Variants in BMP5 observed in about 807,000 individuals in gnomAD.
BMP5 encodes bone morphogenetic protein 5.
In BMP5, 23 loss-of-function variants were observed where a neutral mutation model predicts 46.6. The ratio of observed to expected loss-of-function variants is 0.49; its 90% CI spans 0.35 to 0.70. The LOEUF is 0.70. Ranked by LOEUF, BMP5 falls within the 30% of genes least tolerant of loss-of-function variation. BMP5 has a pLI of 0.00. For synonymous variants in BMP5, 204 were observed against 191.9 expected (o/e 1.06, Z -0.52); for missense variants, 545 against 565.6 (o/e 0.96, Z 0.37).
At position 55,794,418 on chromosome 6, in the gene BMP5, A is replaced by G; in HGVS notation, c.693T>C (p.Asp231=). Residue 231 remains aspartate, a synonymous_variant, in exon 3 of 7, where the codon GAT becomes GAC. Transcript: ENST00000370830. ...CCTTTCTTGTGTCTAACAAGAACAG[A>G]TCTGCATCCCTAAAAAGAAAAGGAA... ...IIKEYTNRDA[D]LFLLDTRKAQ... is the part of the protein sequence containing the mutation. 4.3e-6 allele frequency: 7 copies of G among 1,613,986 alleles called. No homozygotes were observed. The highest frequency in any genetic ancestry group is 5.1e-6 in the Non-Finnish European group (6 of 1,179,900).
intron 2 of BMP5, among the ~76,000 whole-genome samples, chr6:55,813,838 A>C (rs1254954687): frequency 1.3e-5 from 2 of 152,136 alleles, no homozygotes; most frequent in Non-Finnish European, 2.9e-5. Flanking sequence ...TTTTCCAAAA[A>C]TTATACCTTA....
chr6:55,822,328 G>A lies in BMP5; in HGVS notation c.491-2481C>T, dbSNP rs1776428310. On this transcript the variant is annotated intron_variant, in intron 1 of 6. Transcript: ENST00000370830. ...AGCTCTTTTGACAGAAGAACCAGAA[G>A]TTAACTGACATGAAGTGATTTAAAG... 2.0e-5 allele frequency among the ~76,000 whole-genome samples: 3 copies of A among 152,090 alleles called. No homozygotes were observed. In the South Asian group the frequency reaches 6.2e-4, roughly 31 times the overall value.
intron 1 of BMP5, among the ~76,000 whole-genome samples, chr6:55,825,429 A>G (rs1025153110): frequency 6.6e-6 from 1 of 151,864 alleles, no homozygotes; most frequent in African/African-American, 2.4e-5. Flanking sequence ...TTCACATCCC[A>G]TGATTAATGG....
At chr6:55,845,150 TG>T (rs1205864835) in intron 1 of BMP5, among the ~76,000 whole-genome samples, 3 of 152,168 alleles carry the variant, frequency 2.0e-5, no homozygotes, top group South Asian at 2.1e-4. Flanking sequence ...ATGGCACATG[TG>T]CATAATAAGA....
chr6:55,792,432 G>A (rs1450742688), intron 3 of BMP5, among the ~76,000 whole-genome samples: 2 of 151,856 alleles, frequency 1.3e-5, no homozygotes, highest in African/African-American at 2.4e-5. Context: ...TACTCGGGAG[G>A]CTGAGGCGAG....
At chr6:55,772,794 A>G (rs1230469785) in intron 4 of BMP5, 1 of 984,984 alleles carries the variant, frequency 1.0e-6, no homozygotes, top group South Asian at 4.7e-5. Flanking sequence ...CCATACAGAA[A>G]TCTTCCCTCC....
intron 1 of BMP5, among the ~76,000 whole-genome samples, chr6:55,871,704 G>T (rs146027834): frequency 6.6e-6 from 1 of 151,674 alleles, no homozygotes; most frequent in Non-Finnish European, 1.5e-5. Flanking sequence ...GAATGGCAAG[G>T]TACCTGTGGA....
chr6:55,810,901 T>C (rs562212028), intron 2 of BMP5, among the ~76,000 whole-genome samples: 1 of 152,122 alleles, frequency 6.6e-6, no homozygotes, highest in Non-Finnish European at 1.5e-5. Flanking sequence ...TACACACACA[T>C]ACCTGCCCCC....
intron 3 of BMP5, among the ~76,000 whole-genome samples, chr6:55,775,404 T>A (rs1219425687): frequency 1.3e-5 from 2 of 151,852 alleles, no homozygotes; most frequent in Non-Finnish European, 2.9e-5. Flanking sequence ...AAATTATATT[T>A]TATATATATG....
chr6:55,865,569 GAAGA>G (rs1777620104), intron 1 of BMP5, among the ~76,000 whole-genome samples: 1 of 152,154 alleles, frequency 6.6e-6, no homozygotes. Context: ...TGTCCAGCTT[GAAGA>G]AAGAGTCAAT....
intron 1 of BMP5, among the ~76,000 whole-genome samples, chr6:55,820,497 C>T (rs908335438): frequency 6.6e-5 from 10 of 151,918 alleles, no homozygotes; most frequent in African/African-American, 2.2e-4. Flanking sequence ...CGCTCACTGA[C>T]GCCTGGACCT....
chr6:55,875,161 AT>A lies in BMP5; in HGVS notation c.-297del. 1 of 316,898 alleles carries A rather than the reference AT, an allele frequency of 3.2e-6. No homozygotes were observed. The highest frequency in any genetic ancestry group is 6.0e-6 in the Non-Finnish European group (1 of 167,566). The allele number at this position is 316,898 out of a possible 1,614,324, so 19.6% of individuals were successfully genotyped here. On this transcript the variant is annotated 5_prime_UTR_variant, in exon 1 of 7. An upstream open reading frame in the 5' UTR gains an earlier in-frame stop. Coordinates refer to ENST00000370830, the MANE Select transcript of BMP5 (RefSeq NM_021073.4). ...GATGTAGCAGAAGACGGCTAATATT[AT>A]TTGATCAGATGACCTATGCATTCCT... is the stretch of plus-strand genomic sequence containing the variant.
intron 4 of BMP5, among the ~76,000 whole-genome samples, chr6:55,762,667 T>C (rs868855793): frequency 2.6e-5 from 4 of 152,178 alleles, no homozygotes; most frequent in Non-Finnish European, 5.9e-5. Context: ...TCCTCGATCG[T>C]GTTTAGAAAA....
intron 2 of BMP5, among the ~76,000 whole-genome samples, chr6:55,817,008 A>C (rs1253755364): frequency 6.6e-6 from 1 of 152,244 alleles, no homozygotes. Flanking sequence ...AACGCTCATC[A>C]TCACTGGCCA....
chr6:55,771,540 A>T (rs1005787918), intron 4 of BMP5, among the ~76,000 whole-genome samples: 1 of 151,892 alleles, frequency 6.6e-6, no homozygotes. Context: ...TTTACTCAAC[A>T]AGTATTTTGG....
intron 1 of BMP5, among the ~76,000 whole-genome samples, chr6:55,861,212 T>C (rs1777519477): frequency 2.0e-5 from 3 of 152,200 alleles, no homozygotes; most frequent in Admixed American, 6.5e-5. Context: ...ACTTCCACTT[T>C]AGTAGGTTTC....
In BMP5 at chr6:55,854,137, T is replaced by C. The variant is rs561896157; in HGVS notation, c.490+20239A>G. ...TTTCTATGAATTTCTAACCAATTTC[T>C]TTGTGTTTAAGACATTTTCTACTTT... On this transcript the variant is annotated intron_variant, in intron 1 of 6. Transcript: ENST00000370830. Among the ~76,000 whole-genome samples the C allele has an allele frequency of 2.0e-3, 303 of 152,272 alleles. 3 individuals are homozygous for C. Among genetic ancestry groups the C allele is most frequent in the African/African-American group, 7.2e-3 (301 of 41,584 alleles).
chr6:55,858,466 G>T (rs1278005538), intron 1 of BMP5, among the ~76,000 whole-genome samples: 3 of 152,004 alleles, frequency 2.0e-5, no homozygotes, highest in Non-Finnish European at 1.5e-5. Flanking sequence ...AGCATAAGCT[G>T]CAAACTTAAA....
At chr6:55,868,398 C>T (rs1777700229) in intron 1 of BMP5, among the ~76,000 whole-genome samples, 1 of 152,140 alleles carries the variant, frequency 6.6e-6, no homozygotes, top group Non-Finnish European at 1.5e-5. Context: ...CAACATCCAA[C>T]TATTCAGAAT....
Sources: gnomAD v4.1 joint callset for allele counts (sites outside exome capture counted in the v4.1 genomes callset) on GRCh38, gnomAD v4.1.1 for gene constraint, MANE v1.5 for transcripts, NCBI Gene and HGNC (gene_info 2026-07-23, HGNC 2026-07-21) for gene names.